SNAPC3: variants seen among roughly 807,000 people sequenced by gnomAD.
SNAPC3 encodes snRNA-activating protein complex subunit 3.
A neutral mutation model predicts 47.7 loss-of-function variants in SNAPC3; 56 were observed. The ratio of observed to expected loss-of-function variants is 1.18; its 90% CI spans 0.95 to 1.47. SNAPC3 has a LOEUF of 1.47. Among genes scored for constraint, SNAPC3 ranks in the 40% most tolerant of loss-of-function variants. The pLI, the probability that SNAPC3 is intolerant of heterozygous loss-of-function variation, is 0.00. For missense variants in SNAPC3, 665 were observed against 511.3 expected (o/e 1.30, Z -2.90); for synonymous variants, 235 against 189.9 (o/e 1.24, Z -1.95).
downstream of SNAPC3, chr9:15,464,019 C>T (rs1563859968): frequency 5.8e-6 from 1 of 172,616 alleles, no homozygotes. Flanking sequence ...ACCCAGAATT[C>T]CATCACTTAC....
downstream of SNAPC3, chr9:15,465,417 C>T: frequency 2.9e-6 from 3 of 1,050,972 alleles, no homozygotes; most frequent in Non-Finnish European, 4.2e-6. Context: ...AAGTTTTCAA[C>T]ATCAAACCTA....
chr9:15,454,765 C>T (rs1170004543), intron 7 of SNAPC3, among the ~76,000 whole-genome samples: 1 of 152,110 alleles, frequency 6.6e-6, no homozygotes, highest in East Asian at 1.9e-4. Context: ...GTGAAAGCGT[C>T]TCTACTAAAA....
chr9:15,435,634 C>T (rs534896007), intron 3 of SNAPC3, among the ~76,000 whole-genome samples: 1 of 151,004 alleles, frequency 6.6e-6, no homozygotes, highest in South Asian at 2.1e-4. Context: ...TGGAGGCTGG[C>T]AGGACAATCA....
At chr9:15,440,425 C>T (rs1301851679) in intron 3 of SNAPC3, among the ~76,000 whole-genome samples, 1 of 152,216 alleles carries the variant, frequency 6.6e-6, no homozygotes, top group Non-Finnish European at 1.5e-5. Flanking sequence ...ATTTCTCCTT[C>T]ATTCCTGAAG....
At chr9:15,431,595 T>TTGCC (rs1160326836) in intron 2 of SNAPC3, among the ~76,000 whole-genome samples, 1 of 151,888 alleles carries the variant, frequency 6.6e-6, no homozygotes, top group Non-Finnish European at 1.5e-5. Context: ...TAGAGACTGA[T>TTGCC]TGCCTGCAGG....
chr9:15,457,213 T>TA (rs1417540960), intron 7 of SNAPC3, among the ~76,000 whole-genome samples: 5 of 152,038 alleles, frequency 3.3e-5, no homozygotes, highest in East Asian at 1.9e-4. Flanking sequence ...AAGGAGACAT[T>TA]AAAAAAACAA....
At chr9:15,458,177 G>T (rs2034943857) in intron 8 of SNAPC3, 110 bp downstream of exon 8, 2 of 589,506 alleles carry the variant, frequency 3.4e-6, no homozygotes, top group South Asian at 4.9e-5. Flanking sequence ...TTATAAATAT[G>T]AAGTATCATC....
intron 3 of SNAPC3, among the ~76,000 whole-genome samples, chr9:15,442,096 TGGCCAGGCGGG>T (rs1563846597): frequency 2.7e-5 from 4 of 145,498 alleles, no homozygotes; most frequent in African/African-American, 1.0e-4. Context: ...ACGGGGCGGC[TGGCCAGGCGGG>T]GGCTGCCCCC....
intron 3 of SNAPC3, among the ~76,000 whole-genome samples, chr9:15,441,173 A>C (rs1002009091): frequency 3.1e-5 from 4 of 130,326 alleles, no homozygotes; most frequent in Non-Finnish European, 6.3e-5. Context: ...CATTTAAGTC[A>C]GTTGCTGTAA....
chr9:15,455,621 A>G (rs1451131658), intron 7 of SNAPC3, among the ~76,000 whole-genome samples: 2 of 152,080 alleles, frequency 1.3e-5, no homozygotes, highest in Admixed American at 6.6e-5. Flanking sequence ...CAAATGTGGG[A>G]AAATGTGCTG....
chr9:15,457,914 C>G (rs2034917909), intron 7 of SNAPC3, 46 bp from the exon 8 acceptor site: 2 of 1,149,812 alleles, frequency 1.7e-6, no homozygotes, highest in Non-Finnish European at 2.5e-6. Context: ...AAATTTGTCA[C>G]TTAATATTTG....
At position 15,457,951 on chromosome 9, in the gene SNAPC3, G is replaced by A. The variant is rs778728967; in HGVS notation, c.981-9G>A. ...CACCTTAATATCTTTATTTTCCCACGAACAAAAGGCTTGTGCATCATGATG... is the reference window on the plus strand; with the variant it reads ...CACCTTAATATCTTTATTTTCCCACAAACAAAAGGCTTGTGCATCATGATG... On this transcript the variant is annotated splice_polypyrimidine_tract_variant and intron_variant, in intron 7 of 8. Transcript: ENST00000380821. 11 of 1,531,706 alleles carry A rather than the reference G, an allele frequency of 7.2e-6. No homozygotes were observed. The East Asian group carries it at 1.2e-4, about 16-fold the overall frequency. 94.9% of individuals were successfully genotyped at this position (1,531,706 alleles called of 1,614,324 possible).
At position 15,444,626 on chromosome 9, in the gene SNAPC3, C is replaced by G; in HGVS notation, c.502C>G (p.Pro168Ala). 1 of 1,611,578 alleles carries G rather than the reference C, an allele frequency of 6.2e-7. No homozygotes were observed. The highest frequency in any genetic ancestry group is 2.2e-5 in the East Asian group (1 of 44,850). ...EMESHAIGKK[P>A]ENSADMIEEG... is the part of the protein sequence containing the mutation. ...GGAGTCACATGCCATAGGAAAAAAG[C>G]CTGAAAATTCAGCAGACATGATTGA... The change falls in exon 4 of 9, where the codon CCT becomes GCT. Residue 168 changes from proline to alanine, a missense_variant. By Grantham distance (27) the Pro-to-Ala change is conservative (BLOSUM62 -1). Coordinates refer to ENST00000380821, the MANE Select transcript of SNAPC3 (RefSeq NM_001039697.2).
chr9:15,460,053 A>G lies in SNAPC3; in HGVS notation c.*187A>G. 2.3e-6 allele frequency: 1 copy of G among 427,056 alleles called. No individual in the cohort carries two copies. The highest frequency in any genetic ancestry group is 4.2e-5 in the Admixed American group (1 of 23,726). The allele number at this position is 427,056 out of a possible 1,614,324, so 26.5% of individuals were successfully genotyped here. A position where few individuals can be genotyped will look rare whatever the true frequency, so the allele number is the denominator to read the frequency against. On this transcript the variant is annotated 3_prime_UTR_variant, in exon 9 of 9. Transcript: ENST00000380821. ...ATTTAAATGTTTATAACATAGTTTA[A>G]TTTTATATTTATTCCAGATAGTATT...
chr9:15,427,538 T>C (rs1323612528), intron 2 of SNAPC3, among the ~76,000 whole-genome samples: 1 of 152,114 alleles, frequency 6.6e-6, no homozygotes, highest in African/African-American at 2.4e-5. Flanking sequence ...TTAGTAGAGA[T>C]GGGGTTTCAC....
intron 7 of SNAPC3, among the ~76,000 whole-genome samples, chr9:15,456,230 G>A (rs1434733077): frequency 5.3e-5 from 8 of 151,892 alleles, no homozygotes; most frequent in Admixed American, 3.3e-4. Flanking sequence ...GGCTGGTGTC[G>A]AACTCCTGAC....
chr9:15,465,596 A>G (rs762549760), downstream of SNAPC3: 2 of 1,555,948 alleles, frequency 1.3e-6, no homozygotes, highest in South Asian at 1.1e-5. Flanking sequence ...GAAAAGGGGG[A>G]AAGGTACAAC....
intron 7 of SNAPC3, among the ~76,000 whole-genome samples, chr9:15,456,674 C>A (rs2034822993): frequency 6.6e-6 from 1 of 151,746 alleles, no homozygotes; most frequent in Non-Finnish European, 1.5e-5. Context: ...CACTTTGTTT[C>A]CTAGGCTGGT....
chr9:15,463,121 A>T (rs1369517470), downstream of SNAPC3: 1 of 151,624 alleles, frequency 6.6e-6, no homozygotes, highest in Non-Finnish European at 1.5e-5. Flanking sequence ...ACCAAATCCC[A>T]GTCAGTTCTC....
Sources: gnomAD v4.1 joint callset for allele counts (sites outside exome capture counted in the v4.1 genomes callset) on GRCh38, gnomAD v4.1.1 for gene constraint, MANE v1.5 for transcripts, NCBI Gene and HGNC (gene_info 2026-07-23, HGNC 2026-07-21) for gene names.